DDX19B: variants seen among roughly 807,000 people sequenced by gnomAD.
DDX19B encodes the protein ATP-dependent RNA helicase DDX19B.
A neutral mutation model predicts 58.1 loss-of-function variants in DDX19B; 27 were observed. The ratio of observed to expected loss-of-function variants is 0.46; its 90% CI spans 0.34 to 0.64. The LOEUF is 0.64. DDX19B is among the 30% of genes least tolerant of loss of function. The pLI, the probability that DDX19B is intolerant of heterozygous loss-of-function variation, is 0.01. For synonymous variants in DDX19B, 187 were observed against 214.4 expected (o/e 0.87, Z 1.12); for missense variants, 399 against 596.5 (o/e 0.67, Z 3.45).
chr16:70,291,367 C>T (rs1380235054), upstream of DDX19B, among the ~76,000 whole-genome samples: 1 of 152,122 alleles, frequency 6.6e-6, no homozygotes, highest in Admixed American at 6.6e-5. Context: ...TTCTAAGCCA[C>T]CACACTTAAA....
In DDX19B at chr16:70,320,139, T is replaced by C. The variant is rs1286076669; in HGVS notation, c.389+2551T>C. ...TTTTTTTTTTCTGGGAGATAAGGTCTCACTCTGTCACCTAGGCAGGAGTAC... is the reference window on the plus strand; with the variant it reads ...TTTTTTTTTTCTGGGAGATAAGGTCCCACTCTGTCACCTAGGCAGGAGTAC... On this transcript the variant is annotated intron_variant, in intron 5 of 11. Transcript: ENST00000288071. Among the ~76,000 whole-genome samples the C allele has an allele frequency of 2.0e-5, 3 of 152,000 alleles. No homozygotes were observed. In the East Asian group the frequency reaches 5.8e-4, roughly 29 times the overall value.
At chr16:70,327,179 C>T (rs1322060646) in intron 7 of DDX19B, among the ~76,000 whole-genome samples, 3 of 151,838 alleles carry the variant, frequency 2.0e-5, no homozygotes, top group African/African-American at 7.3e-5. Flanking sequence ...GTCACCTAGG[C>T]TGGAGTTCTG....
Position 70,333,753 on chromosome 16 carries a change from G to A in DDX19B, c.*171G>A, listed in dbSNP as rs1963604787. ...CTTGACAAAAATGTATGCAAATGAT[G>A]GGGGATGGTAGAAAAAAATTATTTA... is the stretch of plus-strand genomic sequence containing the variant. On this transcript the variant is annotated 3_prime_UTR_variant, in exon 12 of 12. Coordinates refer to ENST00000288071, the MANE Select transcript of DDX19B (RefSeq NM_007242.7). The A allele has an allele frequency of 3.1e-6, 3 of 970,184 alleles. No homozygotes were observed. Among genetic ancestry groups the A allele is most frequent in the South Asian group, 1.6e-5 (1 of 63,806 alleles). The allele number at this position is 970,184 out of a possible 1,614,324, so 60.1% of individuals were successfully genotyped here. A position where few individuals can be genotyped will look rare whatever the true frequency, so the allele number is the denominator to read the frequency against.
intron 4 of DDX19B, among the ~76,000 whole-genome samples, chr16:70,316,523 T>C (rs976311125): frequency 1.6e-4 from 24 of 152,254 alleles, no homozygotes; most frequent in African/African-American, 5.5e-4. Flanking sequence ...CCAAGTTTTA[T>C]AAAAGAATTT....
In DDX19B at chr16:70,299,286, G is replaced by T. The variant is rs372621895; in HGVS notation, c.-12G>T. ...ATCCACCAGCACGAGCGTCCCACCCGCGCCTGGGACCATGGCCACTGACTC... is the reference window on the plus strand; with the variant it reads ...ATCCACCAGCACGAGCGTCCCACCCTCGCCTGGGACCATGGCCACTGACTC... On this transcript the variant is annotated 5_prime_UTR_variant, in exon 1 of 12. Coordinates refer to ENST00000288071, the MANE Select transcript of DDX19B (RefSeq NM_007242.7). 18 of 1,575,114 alleles carry T rather than the reference G, an allele frequency of 1.1e-5. No individual in the cohort carries two copies.
intron 1 of DDX19B, among the ~76,000 whole-genome samples, chr16:70,300,839 T>C (rs1961452682): frequency 6.6e-6 from 1 of 152,216 alleles, no homozygotes. Context: ...CCTTTACTTT[T>C]CTATAAAATT....
At chr16:70,324,497 A>G in intron 5 of DDX19B, 88 bp from the exon 6 acceptor site, 1 of 1,162,896 alleles carries the variant, frequency 8.6e-7, no homozygotes, top group Non-Finnish European at 1.3e-6. Flanking sequence ...AAGGTCTCCT[A>G]TAAATGAATT....
chr16:70,312,718 C>A, intron 2 of DDX19B, 61 bp downstream of exon 2: 1 of 1,466,592 alleles, frequency 6.8e-7, no homozygotes, highest in Non-Finnish European at 9.4e-7. Flanking sequence ...TTTGTTTTGG[C>A]ATAACAACTG....
In DDX19B at chr16:70,327,889, A is replaced by G. The variant is rs371183791; in HGVS notation, c.608-1403A>G. Among the ~76,000 whole-genome samples, 11 of 152,102 alleles carry G rather than the reference A, an allele frequency of 7.2e-5. No homozygotes were observed. In the East Asian group the frequency reaches 9.6e-4, roughly 13 times the overall value. On this transcript the variant is annotated intron_variant, in intron 7 of 11. Coordinates refer to ENST00000288071, the MANE Select transcript of DDX19B (RefSeq NM_007242.7). ...TTGTTGGCCGGACATGATGGCTCAT[A>G]CCTGTAATCTCAGCACTTTGGGAGC...
At chr16:70,310,023 C>T (rs370868474) in intron 1 of DDX19B, among the ~76,000 whole-genome samples, 4 of 151,554 alleles carry the variant, frequency 2.6e-5, no homozygotes, top group East Asian at 2.0e-4. Flanking sequence ...GCAGGAGGAT[C>T]GCTTGAGCCC....
chr16:70,329,059 CA>C (rs58066345), intron 7 of DDX19B, among the ~76,000 whole-genome samples: 10,381 of 127,878 alleles, frequency 0.081, 1,157 homozygotes, highest in African/African-American at 0.26. Flanking sequence ...ACTAAAAATA[CA>C]AAAAAAAAAA....
At chr16:70,300,267 G>A (rs1961423425) in intron 1 of DDX19B, among the ~76,000 whole-genome samples, 1 of 151,874 alleles carries the variant, frequency 6.6e-6, no homozygotes, top group Non-Finnish European at 1.5e-5. Flanking sequence ...GTGCAGTGGA[G>A]TGATCTTGGC....
intron 9 of DDX19B, among the ~76,000 whole-genome samples, chr16:70,330,815 G>T (rs919125809): frequency 3.3e-5 from 5 of 151,862 alleles, no homozygotes; most frequent in African/African-American, 4.8e-5. Flanking sequence ...AGGCTGAGGT[G>T]GGGGGATCTT....
At chr16:70,309,747 G>A (rs1196839385) in intron 1 of DDX19B, among the ~76,000 whole-genome samples, 1 of 145,674 alleles carries the variant, frequency 6.9e-6, no homozygotes, top group Non-Finnish European at 1.5e-5. Context: ...GAACCCAGGA[G>A]GCGGAGGTTG....
chr16:70,306,342 G>C (rs1961752066), intron 1 of DDX19B, among the ~76,000 whole-genome samples: 1 of 151,944 alleles, frequency 6.6e-6, no homozygotes, highest in Non-Finnish European at 1.5e-5. Context: ...TGTAGACATA[G>C]GGTTTCACCA....
chr16:70,300,975 A>G (rs1961459583), intron 1 of DDX19B, among the ~76,000 whole-genome samples: 1 of 152,112 alleles, frequency 6.6e-6, no homozygotes. Context: ...CTCATCAAGT[A>G]TTCTATCAAT....
chr16:70,312,582 TC>T (rs756546038), intron 1 of DDX19B, 26 bp from the exon 2 acceptor site: 10 of 1,608,094 alleles, frequency 6.2e-6, no homozygotes, highest in Non-Finnish European at 8.5e-6. Context: ...CCTGACACTT[TC>T]CCCCTCCCCC....
At position 70,301,650 on chromosome 16, in the gene DDX19B, T is replaced by G. The variant is rs143346423; in HGVS notation, c.57+2296T>G. ...TTCTTCTTCTTTGTTTTTTCTTAAT[T>G]CCCTCTTTTCCAGAACTCACTTTCT... On this transcript the variant is annotated intron_variant, in intron 1 of 11. Transcript: ENST00000288071. Among the ~76,000 whole-genome samples the G allele has an allele frequency of 2.1e-3, 318 of 152,088 alleles. 1 individual carries two copies. The highest frequency in any genetic ancestry group is 0.017 in the Middle Eastern group (5 of 294).
At chr16:70,322,929 CA>C (rs1962926883) in intron 5 of DDX19B, among the ~76,000 whole-genome samples, 1 of 141,202 alleles carries the variant, frequency 7.1e-6, no homozygotes, top group Admixed American at 7.3e-5. Context: ...CCATAAGGAA[CA>C]GCTTACTTTT....
Sources: gnomAD v4.1 joint callset for allele counts (sites outside exome capture counted in the v4.1 genomes callset) on GRCh38, gnomAD v4.1.1 for gene constraint, MANE v1.5 for transcripts, NCBI Gene and HGNC (gene_info 2026-07-23, HGNC 2026-07-21) for gene names.